The following PTPRM variants were observed in gnomAD, a reference collection of about 807,000 sequenced individuals.
PTPRM encodes receptor-type tyrosine-protein phosphatase mu.
PTPRM carries 47 observed loss-of-function variants against 186.7 expected under a neutral mutation model. That is an observed-to-expected ratio of 0.25 (90% CI 0.20 to 0.32). The LOEUF is 0.32. Among genes scored for constraint, PTPRM ranks in the 10% least tolerant of loss-of-function variants. The pLI, the probability that PTPRM is intolerant of heterozygous loss-of-function variation, is 1.00. For synonymous variants in PTPRM, 668 were observed against 674.9 expected (o/e 0.99, Z 0.16); for missense variants, 1,494 against 1,865.0 (o/e 0.80, Z 3.66).
intron 5 of PTPRM, among the ~76,000 whole-genome samples, chr18:7,936,935 C>T (rs556336272): frequency 6.6e-6 from 1 of 152,290 alleles, no homozygotes; most frequent in Admixed American, 6.5e-5. Flanking sequence ...GGATGACCTG[C>T]CTGCATACAG....
chr18:8,269,619 T>C (rs1250751099), intron 19 of PTPRM, among the ~76,000 whole-genome samples: 1 of 151,960 alleles, frequency 6.6e-6, no homozygotes, highest in Non-Finnish European at 1.5e-5. Context: ...GGCATTAGAC[T>C]CCCTGATTTC....
At chr18:7,866,161 A>G (rs1340649831) in intron 2 of PTPRM, among the ~76,000 whole-genome samples, 2 of 151,522 alleles carry the variant, frequency 1.3e-5, no homozygotes, top group East Asian at 3.9e-4. Context: ...ATTTTTTTGA[A>G]GGTTTTTTCT....
At chr18:7,578,497 G>A (rs1010461368) in intron 1 of PTPRM, among the ~76,000 whole-genome samples, 2 of 151,802 alleles carry the variant, frequency 1.3e-5, no homozygotes, top group Admixed American at 6.6e-5. Context: ...CACCATGCCC[G>A]GCTAATTTTT....
chr18:7,870,526 A>C (rs1243801107), intron 2 of PTPRM, among the ~76,000 whole-genome samples: 1 of 152,166 alleles, frequency 6.6e-6, no homozygotes, highest in African/African-American at 2.4e-5. Flanking sequence ...TTGGCTGCTC[A>C]GAGGTTTTGT....
chr18:8,115,681 C>T (rs1188187168), intron 13 of PTPRM, among the ~76,000 whole-genome samples: 1 of 152,118 alleles, frequency 6.6e-6, no homozygotes, highest in African/African-American at 2.4e-5. Flanking sequence ...AAAAACACAT[C>T]ATTAGGTCTG....
intron 7 of PTPRM, among the ~76,000 whole-genome samples, chr18:8,056,795 G>C (rs1445833787): frequency 1.3e-5 from 2 of 150,778 alleles, no homozygotes; most frequent in Non-Finnish European, 2.9e-5. Flanking sequence ...TTTTCTTTTG[G>C]AGAGAAGTTT....
intron 22 of PTPRM, among the ~76,000 whole-genome samples, chr18:8,323,360 C>T (rs985903253): frequency 1.3e-5 from 2 of 152,062 alleles, no homozygotes; most frequent in African/African-American, 4.8e-5. Flanking sequence ...TGCATGCTCA[C>T]CCCCCAAAAC....
chr18:8,090,815 GA>G (rs987179543), intron 11 of PTPRM, among the ~76,000 whole-genome samples: 107 of 152,112 alleles, frequency 7.0e-4, no homozygotes, highest in African/African-American at 2.5e-3. Context: ...GGCTCGTCTT[GA>G]ACTCCTGACC....
At position 8,053,645 on chromosome 18, in the gene PTPRM, G is replaced by A. The variant is rs141004468; in HGVS notation, c.1133-16041G>A. ...GTGTTCTGTTTGGGGACCTTTGCACGTCTTTATTTACTTTAGAATCAATTT... is the reference window on the plus strand; with the variant it reads ...GTGTTCTGTTTGGGGACCTTTGCACATCTTTATTTACTTTAGAATCAATTT... On this transcript the variant is annotated intron_variant, in intron 7 of 32. Transcript: ENST00000580170. Among the ~76,000 whole-genome samples, 45 of 152,168 alleles carry A rather than the reference G, an allele frequency of 3.0e-4. 1 individual carries two copies. The highest frequency in any genetic ancestry group is 9.8e-4 in the Admixed American group (15 of 15,278).
chr18:8,381,126 AC>A, intron 29 of PTPRM, among the ~76,000 whole-genome samples: 1 of 152,154 alleles, frequency 6.6e-6, no homozygotes, highest in Non-Finnish European at 1.5e-5. Flanking sequence ...GACAGTGATG[AC>A]TCAATGTTAG....
intron 7 of PTPRM, among the ~76,000 whole-genome samples, chr18:8,012,586 G>C (rs937627239): frequency 6.6e-6 from 1 of 152,192 alleles, no homozygotes. Context: ...AGGCTACCAA[G>C]TCAATAACAT....
At chr18:8,347,783 T>C (rs1469746795) in intron 23 of PTPRM, among the ~76,000 whole-genome samples, 4 of 152,154 alleles carry the variant, frequency 2.6e-5, no homozygotes, top group Non-Finnish European at 2.9e-5. Context: ...AACTCAACCA[T>C]TTCAGGTCTG....
intron 22 of PTPRM, among the ~76,000 whole-genome samples, chr18:8,324,176 G>T (rs182382769): frequency 6.6e-6 from 1 of 152,236 alleles, no homozygotes; most frequent in East Asian, 1.9e-4. Flanking sequence ...ATAACTATGT[G>T]AAATACATTC....
chr18:8,158,511 T>G (rs1316007908), intron 14 of PTPRM, among the ~76,000 whole-genome samples: 1 of 152,170 alleles, frequency 6.6e-6, no homozygotes. Flanking sequence ...TTTATATTAA[T>G]AAGTAAAACA....
intron 1 of PTPRM, among the ~76,000 whole-genome samples, chr18:7,577,540 A>T (rs2036720317): frequency 6.6e-6 from 1 of 152,228 alleles, no homozygotes; most frequent in Non-Finnish European, 1.5e-5. Context: ...CTCAGACAGC[A>T]TCATGATAAC....
Position 8,318,725 on chromosome 18 carries a change from G to A in PTPRM, c.2920-453G>A, listed in dbSNP as rs546686601. On this transcript the variant is annotated intron_variant, in intron 21 of 32. Coordinates refer to ENST00000580170, the MANE Select transcript of PTPRM (RefSeq NM_001105244.2). The stretch of plus-strand genomic sequence containing the variant: ...GCTACAGTAGCATGTCATGGTATTA[G>A]CAGTGTTTAAGAATGGTTTTGAGGA... Among the ~76,000 whole-genome samples, 3 of 152,318 alleles carry A rather than the reference G, an allele frequency of 2.0e-5. No individual in the cohort carries two copies. In the South Asian group the frequency reaches 6.2e-4, roughly 32 times the overall value.
At chr18:8,131,877 C>A (rs754310021) in intron 13 of PTPRM, among the ~76,000 whole-genome samples, 1 of 152,114 alleles carries the variant, frequency 6.6e-6, no homozygotes, top group African/African-American at 2.4e-5. Context: ...TGGCACCTGC[C>A]TAGGAGTTAA....
chr18:7,568,876 T>G lies in PTPRM; in HGVS notation c.73+985T>G. Among the ~76,000 whole-genome samples the G allele has an allele frequency of 6.6e-6, 1 of 152,152 alleles. No homozygotes were observed. Among genetic ancestry groups the G allele is most frequent in the Non-Finnish European group, 1.5e-5 (1 of 68,032 alleles). Reference sequence around the variant, plus strand: ...ACCAGGATGACCTTTATTACCTGGGTGACACAGGTGGATAGACGGCAAATG... The same window carrying G: ...ACCAGGATGACCTTTATTACCTGGGGGACACAGGTGGATAGACGGCAAATG... On this transcript the variant is annotated intron_variant, in intron 1 of 32. Coordinates refer to ENST00000580170, the MANE Select transcript of PTPRM (RefSeq NM_001105244.2). This position sits in a 1 kb window ranked among gnomAD's most constrained non-coding sequence, Gnocchi z 5.1.
chr18:8,394,505 G>A lies in PTPRM; in HGVS notation c.4238G>A (p.Cys1413Tyr), dbSNP rs1306072871. 2 of 1,613,306 alleles carry A rather than the reference G, an allele frequency of 1.2e-6. No individual in the cohort carries two copies. Among genetic ancestry groups the A allele is most frequent in the Non-Finnish European group, 1.7e-6 (2 of 1,179,738 alleles). ...LNGGGRSGTF[C>Y]AISIVCEMLR... ...GGGGGAGGCCGCAGTGGGACGTTCT[G>A]CGCCATCAGCATCGTATGTGAGATG... Residue 1413 changes from cysteine to tyrosine, a missense_variant, in exon 32 of 33, where the codon TGC (cysteine) becomes TAC (tyrosine). Physicochemically the swap from Cys to Tyr is radical, Grantham distance 194. Transcript: ENST00000580170.
Sources: gnomAD v4.1 joint callset for allele counts (sites outside exome capture counted in the v4.1 genomes callset) on GRCh38, gnomAD v4.1.1 for gene constraint, Gnocchi (gnomAD v3.1) non-coding constraint, MANE v1.5 for transcripts, NCBI Gene and HGNC (gene_info 2026-07-23, HGNC 2026-07-21) for gene names.